KCNJ6: variants seen among roughly 807,000 people sequenced by gnomAD.
KCNJ6 encodes the protein potassium inwardly rectifying channel subfamily J member 6.
KCNJ6 carries 9 observed loss-of-function variants against 34.2 expected under a neutral mutation model. The ratio of observed to expected loss-of-function variants is 0.26; its 90% CI spans 0.16 to 0.46. KCNJ6 has a LOEUF of 0.46. Among genes scored for constraint, KCNJ6 ranks in the 20% least tolerant of loss-of-function variants. The probability of loss-of-function intolerance (pLI) is 1.00; values close to 1 mark genes in which losing one functional copy is unlikely to be tolerated. For synonymous variants in KCNJ6, 196 were observed against 207.1 expected (o/e 0.95, Z 0.46); for missense variants, 236 against 531.3 (o/e 0.44, Z 5.46).
At chr21:37,666,327 C>A (rs1451794677) in intron 3 of KCNJ6, among the ~76,000 whole-genome samples, 1 of 152,162 alleles carries the variant, frequency 6.6e-6, no homozygotes, top group South Asian at 2.1e-4. Flanking sequence ...GCTGAGCTGA[C>A]TCTCACGGTT....
Position 37,614,370 on chromosome 21 carries a change from G to GTGTGTGTGTGTATC in KCNJ6, c.*10788_*10789insGATACACACACACA, listed in dbSNP as rs1569429103. 4 of 146,138 alleles carry GTGTGTGTGTGTATC rather than the reference G, an allele frequency of 2.7e-5. No individual in the cohort carries two copies. Among genetic ancestry groups the GTGTGTGTGTGTATC allele is most frequent in the African/African-American group, 1.1e-4 (4 of 36,146 alleles). The allele number at this position is 146,138 out of a possible 1,614,324, so 9.1% of individuals were successfully genotyped here. ...TTGGAAAGGATAAGAGTGTGTGTGTGTGTGTGTGTGTGTATATCTGTGTGT... is the reference window on the plus strand; with the variant it reads ...TTGGAAAGGATAAGAGTGTGTGTGTGTGTGTGTGTGTATCTGTGTGTGTGTGTATATCTGTGTGT... On this transcript the variant is annotated 3_prime_UTR_variant, in exon 4 of 4. Coordinates refer to ENST00000609713, the MANE Select transcript of KCNJ6 (RefSeq NM_002240.5).
intron 3 of KCNJ6, among the ~76,000 whole-genome samples, chr21:37,634,892 G>A (rs1469997284): frequency 6.6e-6 from 1 of 151,926 alleles, no homozygotes; most frequent in East Asian, 1.9e-4. Context: ...CTGAGGAGCT[G>A]GGATTACAGG....
chr21:37,798,681 G>A (rs1183003353), intron 2 of KCNJ6, among the ~76,000 whole-genome samples: 1 of 152,184 alleles, frequency 6.6e-6, no homozygotes, highest in Non-Finnish European at 1.5e-5. Context: ...GACCATAGAT[G>A]GTGTGATTCC....
intron 1 of KCNJ6, among the ~76,000 whole-genome samples, chr21:37,878,514 G>A (rs2055690406): frequency 6.6e-6 from 1 of 152,226 alleles, no homozygotes. Context: ...AGGCTTGCAG[G>A]TCTACCAGCC....
intron 2 of KCNJ6, among the ~76,000 whole-genome samples, chr21:37,821,088 C>T (rs2055370953): frequency 6.6e-6 from 1 of 152,134 alleles, no homozygotes; most frequent in Admixed American, 6.5e-5. Flanking sequence ...TCATTCTTGC[C>T]ATGTCTCCTC....
intron 3 of KCNJ6, among the ~76,000 whole-genome samples, chr21:37,655,217 GTGTGTGTGAGAGAGAGAGAGAGAGAGA>G (rs2054455022): frequency 2.1e-5 from 2 of 93,338 alleles, no homozygotes; most frequent in Admixed American, 1.1e-4. Context: ...GTGTGTGTGT[GTGTGTGTGAGAGAGAGAGAGAGAGAGA>G]GAGAGAGAGA....
At chr21:37,839,955 T>G (rs879613748) in intron 2 of KCNJ6, among the ~76,000 whole-genome samples, 3 of 152,134 alleles carry the variant, frequency 2.0e-5, no homozygotes, top group Non-Finnish European at 4.4e-5. Context: ...TGCACCACCA[T>G]GCTCAGCTTA....
intron 3 of KCNJ6, among the ~76,000 whole-genome samples, chr21:37,692,971 G>A (rs2054646714): frequency 6.6e-6 from 1 of 152,164 alleles, no homozygotes; most frequent in East Asian, 1.9e-4. Flanking sequence ...GAGCCACAAA[G>A]AAACTCATTC....
At chr21:37,843,562 C>T (rs568266709) in intron 1 of KCNJ6, among the ~76,000 whole-genome samples, 1 of 152,302 alleles carries the variant, frequency 6.6e-6, no homozygotes, top group South Asian at 2.1e-4. Context: ...CATTCTTGGT[C>T]CCAAGCAAAT....
rs146283123 is a variant in KCNJ6 at position 37,631,531 on chromosome 21, ATGAAACCACC to A, written c.947-6057_947-6048del. Among the ~76,000 whole-genome samples, 833 of 152,332 alleles carry A rather than the reference ATGAAACCACC, an allele frequency of 5.5e-3. 6 individuals carry two copies. Among genetic ancestry groups the A allele is most frequent in the Non-Finnish European group, 8.3e-3 (563 of 68,026 alleles). ...TTGAGGCCTCTGGACAATGTACAAA[ATGAAACCACC>A]TGAAGACTCTAGAAAGTTCACAATA... On this transcript the variant is annotated intron_variant, in intron 3 of 3. Coordinates refer to ENST00000609713, the MANE Select transcript of KCNJ6 (RefSeq NM_002240.5).
At chr21:37,748,020 G>A (rs1601451402) in intron 2 of KCNJ6, among the ~76,000 whole-genome samples, 2 of 152,260 alleles carry the variant, frequency 1.3e-5, no homozygotes, top group East Asian at 3.9e-4. Context: ...TGGATATAGA[G>A]GAAATGTACC....
At chr21:37,851,447 T>C (rs1167153736) in intron 1 of KCNJ6, among the ~76,000 whole-genome samples, 2 of 152,208 alleles carry the variant, frequency 1.3e-5, no homozygotes, top group African/African-American at 4.8e-5. Context: ...TATAACCAAA[T>C]GTGACATTTA....
At chr21:37,808,892 G>T (rs2055307070) in intron 2 of KCNJ6, among the ~76,000 whole-genome samples, 1 of 152,184 alleles carries the variant, frequency 6.6e-6, no homozygotes, top group African/African-American at 2.4e-5. Context: ...GAGAGGATGT[G>T]GAGAAATAGA....
chr21:37,868,234 A>T (rs2055632780), intron 1 of KCNJ6, among the ~76,000 whole-genome samples: 1 of 152,236 alleles, frequency 6.6e-6, no homozygotes, highest in African/African-American at 2.4e-5. Flanking sequence ...CTATTAATAT[A>T]CATGACTACA....
chr21:37,736,809 G>A (rs1009336370), intron 2 of KCNJ6, among the ~76,000 whole-genome samples: 11 of 152,284 alleles, frequency 7.2e-5, no homozygotes, highest in African/African-American at 2.6e-4. Context: ...CATCTGGCAA[G>A]CCATTAATAC....
At chr21:37,902,567 A>G (rs1019868604) in intron 1 of KCNJ6, among the ~76,000 whole-genome samples, 3 of 152,268 alleles carry the variant, frequency 2.0e-5, no homozygotes, top group Non-Finnish European at 4.4e-5. Context: ...TAAGGATTAT[A>G]GAAATATTAT....
chr21:37,762,017 G>A (rs941776889), intron 2 of KCNJ6, among the ~76,000 whole-genome samples: 4 of 152,152 alleles, frequency 2.6e-5, no homozygotes, highest in Non-Finnish European at 4.4e-5. Flanking sequence ...GGTTTAGGGC[G>A]GGCCAGGAGT....
intron 3 of KCNJ6, among the ~76,000 whole-genome samples, chr21:37,640,684 T>C (rs1458032109): frequency 6.6e-6 from 1 of 152,254 alleles, no homozygotes; most frequent in Non-Finnish European, 1.5e-5. Flanking sequence ...TTACATATAC[T>C]TGTTCTTTGG....
intron 2 of KCNJ6, among the ~76,000 whole-genome samples, chr21:37,810,831 T>C (rs2055319077): frequency 6.6e-6 from 1 of 152,230 alleles, no homozygotes; most frequent in Admixed American, 6.5e-5. Context: ...TGTAATTTCC[T>C]GAGCAATAGC....
Sources: allele counts gnomAD v4.1 joint callset (sites outside exome capture counted in the v4.1 genomes callset), GRCh38; gene constraint gnomAD v4.1.1; transcripts MANE v1.5; gene names NCBI Gene and HGNC (gene_info 2026-07-23, HGNC 2026-07-21).